POLK: variants seen among roughly 807,000 people sequenced by gnomAD.
POLK encodes polymerase (DNA directed) kappa.
A neutral mutation model predicts 94.0 loss-of-function variants in POLK; 76 were observed. The observed-to-expected ratio is 0.81, with a 90% CI of 0.67 to 0.98. POLK has a LOEUF of 0.98. Ranked by LOEUF, POLK falls within the 50% of genes least tolerant of loss-of-function variation. The pLI, the probability that POLK is intolerant of heterozygous loss-of-function variation, is 0.00. For missense variants in POLK, 954 were observed against 1,010.1 expected (o/e 0.94, Z 0.75); for synonymous variants, 349 against 325.4 (o/e 1.07, Z -0.78).
rs967760645 is a variant in POLK at position 75,537,497 on chromosome 5, A to G, written c.-13-9513A>G. On this transcript the variant is annotated intron_variant, in intron 1 of 14. Coordinates refer to ENST00000241436, the Ensembl canonical transcript of POLK. Reference sequence around the variant, plus strand: ...TTGATAGATCTCAACGTTGTTTCTCAGATGATCAGCTTGCAGGGTCAGTGT... The same window carrying G: ...TTGATAGATCTCAACGTTGTTTCTCGGATGATCAGCTTGCAGGGTCAGTGT... Among the ~76,000 whole-genome samples the G allele has an allele frequency of 7.2e-5, 11 of 152,296 alleles. No individual in the cohort carries two copies. In the East Asian group the frequency reaches 1.5e-3, roughly 21 times the overall value.
chr5:75,579,919 G>A (rs1367819640), intron 6 of POLK, among the ~76,000 whole-genome samples: 2 of 148,870 alleles, frequency 1.3e-5, no homozygotes, highest in South Asian at 2.1e-4. Flanking sequence ...GTGATGGCTC[G>A]CGCCTGTAGT....
the POLK span, among the ~76,000 whole-genome samples, chr5:75,606,861 A>G: frequency 6.6e-6 from 1 of 152,174 alleles, no homozygotes; most frequent in Non-Finnish European, 1.5e-5. Context: ...AATTTGAACC[A>G]TAAACCAGTA....
At chr5:75,542,056 A>G (rs1019504862) in intron 1 of POLK, among the ~76,000 whole-genome samples, 1 of 152,218 alleles carries the variant, frequency 6.6e-6, no homozygotes, top group Non-Finnish European at 1.5e-5. Context: ...AATTCATTGT[A>G]TTTAAATTTA....
At chr5:75,558,040 C>T (rs1330682172) in intron 3 of POLK, among the ~76,000 whole-genome samples, 15 of 152,220 alleles carry the variant, frequency 9.9e-5, no homozygotes, top group African/African-American at 3.1e-4. Flanking sequence ...CCACCTGCCT[C>T]GGCCTCCAAA....
chr5:75,542,772 A>G (rs1333839721), intron 1 of POLK, among the ~76,000 whole-genome samples: 1 of 149,324 alleles, frequency 6.7e-6, no homozygotes, highest in Non-Finnish European at 1.5e-5. Context: ...ATCTCGGCTC[A>G]CTGCAACCTG....
At chr5:75,576,015 TG>T (rs1163872765) in intron 5 of POLK, among the ~76,000 whole-genome samples, 1 of 152,040 alleles carries the variant, frequency 6.6e-6, no homozygotes, top group African/African-American at 2.4e-5. Context: ...AATACTTAAG[TG>T]GTTAGAAAAA....
At chr5:75,579,735 G>A (rs376919644) in intron 6 of POLK, among the ~76,000 whole-genome samples, 110 of 151,904 alleles carry the variant, frequency 7.2e-4, no homozygotes, top group African/African-American at 2.6e-3. Flanking sequence ...ATAAATATCA[G>A]CTAATGTAAG....
At chr5:75,581,255 C>T (rs200553806) in exon 7 of POLK, 22 of 1,605,290 alleles carry the variant, frequency 1.4e-5, no homozygotes, top group Non-Finnish European at 1.4e-5. Flanking sequence ...ATGAACGATC[C>T]ATCTCTCCAC....
chr5:75,584,665 C>G (rs1772369469), intron 8 of POLK, 95 bp from the exon 9 acceptor site: 1 of 710,268 alleles, frequency 1.4e-6, no homozygotes, highest in Non-Finnish European at 2.3e-6. Context: ...GAGCGAGACT[C>G]CATCTCAAAA....
At chr5:75,551,391 A>G (rs138151554) in intron 2 of POLK, among the ~76,000 whole-genome samples, 2 of 151,556 alleles carry the variant, frequency 1.3e-5, no homozygotes, top group African/African-American at 4.8e-5. Flanking sequence ...ACATAATGAG[A>G]CCCCACCCCC....
At chr5:75,574,730 T>C (rs561597191) in intron 5 of POLK, among the ~76,000 whole-genome samples, 1 of 152,312 alleles carries the variant, frequency 6.6e-6, no homozygotes, top group South Asian at 2.1e-4. Flanking sequence ...GTTTGTTTGT[T>C]TTTTTTCTGT....
chr5:75,590,354 G>T lies in POLK; in HGVS notation c.1270G>T (p.Glu424Ter). The stretch of plus-strand genomic sequence containing the variant: ...TTCTTGTCTTTCTAGGACATTCAGT[G>T]AGATAAATAAAGCGGAAGAGCAATA... Residue 424 changes from glutamate to a stop codon, truncating the protein, a stop_gained, in exon 11 of 15, where the codon GAG becomes TAG. Coordinates refer to ENST00000241436, the Ensembl canonical transcript of POLK. LOFTEE classifies it high-confidence loss of function. 6.3e-7 allele frequency: 1 copy of T among 1,578,604 alleles called. No homozygotes were observed. The highest frequency in any genetic ancestry group is 1.4e-5 in the African/African-American group (1 of 73,950).
At chr5:75,538,337 A>C (rs563388855) in intron 1 of POLK, among the ~76,000 whole-genome samples, 1 of 152,320 alleles carries the variant, frequency 6.6e-6, no homozygotes, top group South Asian at 2.1e-4. Flanking sequence ...GTAAGTCTGG[A>C]CTGCTTTTTC....
At chr5:75,589,893 G>A (rs142794328) in intron 10 of POLK, among the ~76,000 whole-genome samples, 43 of 152,194 alleles carry the variant, frequency 2.8e-4, no homozygotes, top group South Asian at 8.3e-4. Context: ...ACAACTCTGC[G>A]TAGGTTCCAT....
intron 3 of POLK, among the ~76,000 whole-genome samples, chr5:75,560,071 AT>A (rs1180703661): frequency 6.6e-6 from 1 of 152,258 alleles, no homozygotes; most frequent in Non-Finnish European, 1.5e-5. Context: ...GCATCATAAC[AT>A]AATCAAAAAC....
chr5:75,583,194 G>C, intron 7 of POLK, 99 bp from the exon 8 acceptor site: 1 of 776,328 alleles, frequency 1.3e-6, no homozygotes, highest in Non-Finnish European at 2.0e-6. Context: ...TATCATTTGA[G>C]ATTTTTTGCA....
chr5:75,589,380 T>TACAC (rs1156672391), intron 10 of POLK, among the ~76,000 whole-genome samples: 129 of 67,752 alleles, frequency 1.9e-3, no homozygotes, highest in Middle Eastern at 9.6e-3. Context: ...TTTATATATA[T>TACAC]ACACACATAC....
At chr5:75,512,002 C>T in intron 1 of POLK, 88 bp downstream of exon 1, 1 of 571,814 alleles carries the variant, frequency 1.7e-6, no homozygotes, top group Non-Finnish European at 3.1e-6. Flanking sequence ...TGACCAGCCC[C>T]TCGGCCTCGC....
the POLK span, among the ~76,000 whole-genome samples, chr5:75,608,122 A>G: frequency 3.3e-5 from 5 of 152,264 alleles, no homozygotes; most frequent in East Asian, 1.9e-4. Context: ...ATTGCATTCC[A>G]TATTTATTTG....
Sources: gnomAD v4.1 joint callset for allele counts (sites outside exome capture counted in the v4.1 genomes callset) on GRCh38, gnomAD v4.1.1 for gene constraint, MANE v1.5 for transcripts, NCBI Gene and HGNC (gene_info 2026-07-23, HGNC 2026-07-21) for gene names.